The following MPPED2 variants were observed in gnomAD, a reference collection of about 807,000 sequenced individuals.
MPPED2 encodes the protein metallophosphoesterase MPPED2.
In MPPED2, 5 loss-of-function variants were observed where a neutral mutation model predicts 33.0. That is an observed-to-expected ratio of 0.15 (90% CI 0.08 to 0.32). The LOEUF (loss-of-function observed/expected upper bound fraction) is 0.32. Ranked by LOEUF, MPPED2 falls within the 10% of genes least tolerant of loss-of-function variation. The pLI, the probability that MPPED2 is intolerant of heterozygous loss-of-function variation, is 1.00. For synonymous variants in MPPED2, 136 were observed against 141.9 expected (o/e 0.96, Z 0.29); for missense variants, 275 against 372.1 (o/e 0.74, Z 2.15).
At chr11:30,486,977 T>C (rs541828550) in intron 4 of MPPED2, among the ~76,000 whole-genome samples, 1 of 152,328 alleles carries the variant, frequency 6.6e-6, no homozygotes, top group South Asian at 2.1e-4. Flanking sequence ...GCCAGAGACA[T>C]ATCTCTACCA....
chr11:30,560,499 C>G lies in MPPED2; in HGVS notation c.128+19747G>C, dbSNP rs77350081. Among the ~76,000 whole-genome samples, 14 of 152,218 alleles carry G rather than the reference C, an allele frequency of 9.2e-5. No individual in the cohort carries two copies. The East Asian group carries it at 2.3e-3, about 25-fold the overall frequency. ...ATAGTCTTAAAACTCCCATTTACCC[C>G]CTACTGAACCAATATCTTAGCTTAT... On this transcript the variant is annotated intron_variant, in intron 2 of 6. Coordinates refer to ENST00000358117, the MANE Select transcript of MPPED2 (RefSeq NM_001584.3).
In MPPED2 at chr11:30,582,775, T is replaced by C. The variant is rs1304217583; in HGVS notation, c.-121-2281A>G. Among the ~76,000 whole-genome samples, 11 of 152,222 alleles carry C rather than the reference T, an allele frequency of 7.2e-5. 1 individual carries two copies. Among genetic ancestry groups the C allele is most frequent in the Admixed American group, 7.2e-4 (11 of 15,284 alleles). ...AACCTTCTCTATCACTGAACATCTATGCCTCTTTGCACCTTTGCCCCAGTA... is the reference window on the plus strand; with the variant it reads ...AACCTTCTCTATCACTGAACATCTACGCCTCTTTGCACCTTTGCCCCAGTA... On this transcript the variant is annotated intron_variant, in intron 1 of 6. Transcript: ENST00000358117.
chr11:30,438,927 A>T (rs1164077167), intron 4 of MPPED2, among the ~76,000 whole-genome samples: 1 of 152,240 alleles, frequency 6.6e-6, no homozygotes, highest in Non-Finnish European at 1.5e-5. Flanking sequence ...TCTTCCCCTT[A>T]GCATTTGGCT....
chr11:30,526,117 A>G (rs1451614362), intron 3 of MPPED2, among the ~76,000 whole-genome samples: 6 of 152,236 alleles, frequency 3.9e-5, no homozygotes, highest in African/African-American at 1.4e-4. Context: ...TAATTCATAT[A>G]GGAAAAAAAT....
intron 4 of MPPED2, among the ~76,000 whole-genome samples, chr11:30,428,343 G>A (rs1948934739): frequency 6.6e-6 from 1 of 152,146 alleles, no homozygotes. Flanking sequence ...CAAGAGGTGA[G>A]CAAAGTATTA....
intron 4 of MPPED2, among the ~76,000 whole-genome samples, chr11:30,462,762 T>C (rs900024647): frequency 3.3e-5 from 5 of 152,214 alleles, no homozygotes; most frequent in African/African-American, 9.7e-5. Context: ...TTTTAATTGA[T>C]GGAAAATGAA....
intron 4 of MPPED2, among the ~76,000 whole-genome samples, chr11:30,436,952 A>T (rs1398031449): frequency 6.6e-6 from 1 of 152,224 alleles, no homozygotes; most frequent in Non-Finnish European, 1.5e-5. Context: ...ACATGATGGC[A>T]TTCTCTGGTT....
rs199611856 is a variant in MPPED2, at chr11:30,583,134, C to CTTTTTTTTTTTTTTTTTTTT, written c.-121-2660_-121-2641dup. Among the ~76,000 whole-genome samples, 60 of 96,670 alleles carry CTTTTTTTTTTTTTTTTTTTT rather than the reference C, an allele frequency of 6.2e-4. 7 individuals are homozygous for CTTTTTTTTTTTTTTTTTTTT. Among genetic ancestry groups the CTTTTTTTTTTTTTTTTTTTT allele is most frequent in the African/African-American group, 2.5e-3 (52 of 20,682 alleles). 63.4% of individuals were successfully genotyped at this position (96,670 alleles called of 152,430 possible). A position where few individuals can be genotyped will look rare whatever the true frequency, so the allele number is the denominator to read the frequency against. On this transcript the variant is annotated intron_variant, in intron 1 of 6. Coordinates refer to ENST00000358117, the MANE Select transcript of MPPED2 (RefSeq NM_001584.3). The stretch of plus-strand genomic sequence containing the variant: ...CACAAACACCTGGAAAAGACTTTTT[C>CTTTTTTTTTTTTTTTTTTTT]TTTTTTTTTTTTTTTTTTTTTTTTT...
intron 3 of MPPED2, among the ~76,000 whole-genome samples, chr11:30,501,021 C>G (rs1590601251): frequency 6.6e-6 from 1 of 152,200 alleles, no homozygotes. Context: ...ATCTCCAACT[C>G]TTTTTAAACT....
chr11:30,430,595 C>T (rs1375082758), intron 4 of MPPED2, among the ~76,000 whole-genome samples: 1 of 152,178 alleles, frequency 6.6e-6, no homozygotes, highest in Admixed American at 6.5e-5. Context: ...CTAGAAATTA[C>T]ATCCTAATGA....
At chr11:30,542,986 T>C (rs1300252403) in intron 2 of MPPED2, among the ~76,000 whole-genome samples, 1 of 152,190 alleles carries the variant, frequency 6.6e-6, no homozygotes, top group Non-Finnish European at 1.5e-5. Context: ...TTATTGGAAT[T>C]AGTTGTCAAA....
chr11:30,459,170 G>A (rs548270198), intron 4 of MPPED2, among the ~76,000 whole-genome samples: 4 of 151,658 alleles, frequency 2.6e-5, no homozygotes, highest in East Asian at 1.9e-4. Flanking sequence ...CTCGTGATCC[G>A]CCCGCCTCGG....
At chr11:30,510,513 G>T (rs1169667543) in intron 3 of MPPED2, among the ~76,000 whole-genome samples, 1 of 152,196 alleles carries the variant, frequency 6.6e-6, no homozygotes, top group East Asian at 1.9e-4. Context: ...AAGGTTGAGA[G>T]CAAAAGATTT....
chr11:30,534,377 A>G (rs1209018105), intron 3 of MPPED2, among the ~76,000 whole-genome samples: 1 of 152,230 alleles, frequency 6.6e-6, no homozygotes, highest in Non-Finnish European at 1.5e-5. Flanking sequence ...TTGTAGAGAA[A>G]AAAGACATAA....
At chr11:30,398,742 G>A (rs1947868830) in intron 6 of MPPED2, among the ~76,000 whole-genome samples, 1 of 151,952 alleles carries the variant, frequency 6.6e-6, no homozygotes, top group African/African-American at 2.4e-5. Flanking sequence ...CTTAATATCA[G>A]AAAAAAACTC....
chr11:30,417,487 G>T (rs1352553689), intron 5 of MPPED2, 31 bp downstream of exon 5: 2 of 1,304,232 alleles, frequency 1.5e-6, no homozygotes, highest in East Asian at 2.3e-5. Flanking sequence ...AAGGCATCTG[G>T]ATGACAAAGG....
chr11:30,476,203 A>T (rs934651714), intron 4 of MPPED2, among the ~76,000 whole-genome samples: 2 of 151,992 alleles, frequency 1.3e-5, no homozygotes, highest in African/African-American at 4.8e-5. Flanking sequence ...ATGTTCCCCA[A>T]GACTATGGAC....
At chr11:30,384,302 T>A (rs528741245), downstream of MPPED2, among the ~76,000 whole-genome samples, 1 of 152,114 alleles carries the variant, frequency 6.6e-6, no homozygotes, top group Admixed American at 6.6e-5. Context: ...GTTAGCAACA[T>A]GTATAAAGTA....
At chr11:30,458,271 A>C (rs1002307450) in intron 4 of MPPED2, among the ~76,000 whole-genome samples, 2 of 152,210 alleles carry the variant, frequency 1.3e-5, no homozygotes, top group African/African-American at 4.8e-5. Context: ...AAACACTGAG[A>C]TCAGAGAGTA....
Sources: gnomAD v4.1 joint callset for allele counts (sites outside exome capture counted in the v4.1 genomes callset) on GRCh38, gnomAD v4.1.1 for gene constraint, MANE v1.5 for transcripts, NCBI Gene and HGNC (gene_info 2026-07-23, HGNC 2026-07-21) for gene names.